Variants in SHROOM4 observed in about 807,000 individuals in gnomAD.
The protein encoded by SHROOM4 is shroom family member 4, also known as protein Shroom4.
SHROOM4 carries 17 observed loss-of-function variants against 80.3 expected under a neutral mutation model. That is an observed-to-expected ratio of 0.21 (90% CI 0.14 to 0.32). The LOEUF is 0.32. SHROOM4 is among the 10% of genes least tolerant of loss of function. The pLI, the probability that SHROOM4 is intolerant of heterozygous loss-of-function variation, is 1.00. For synonymous variants in SHROOM4, 400 were observed against 437.5 expected (o/e 0.91, Z 1.07); for missense variants, 993 against 1,140.3 (o/e 0.87, Z 1.86).
chrX:50,637,864 A>G (rs1490414255), intron 3 of SHROOM4, among the ~76,000 whole-genome samples: 45 of 112,170 alleles, frequency 4.0e-4, no homozygotes, highest in African/African-American at 1.4e-3. Context: ...ACAGGAGAAC[A>G]AAAGGAATTA....
At chrX:50,611,696 GAT>G (rs1557249921) in intron 5 of SHROOM4, among the ~76,000 whole-genome samples, 1 of 110,509 alleles carries the variant, frequency 9.0e-6, no homozygotes, top group African/African-American at 3.3e-5. Flanking sequence ...GAGGCGGGCG[GAT>G]CACTTGAGGC....
chrX:50,660,761 C>T (rs782696137), intron 2 of SHROOM4, among the ~76,000 whole-genome samples: 23 of 107,453 alleles, frequency 2.1e-4, no homozygotes, highest in African/African-American at 4.8e-4. Flanking sequence ...GACTACAGGG[C>T]GTGCACCACC....
intron 1 of SHROOM4, among the ~76,000 whole-genome samples, chrX:50,784,052 C>T (rs1019560875): frequency 1.8e-5 from 2 of 112,148 alleles, no homozygotes; most frequent in South Asian, 3.7e-4. Context: ...ACAACGGCGT[C>T]GCCAAAAATA....
intron 7 of SHROOM4, among the ~76,000 whole-genome samples, chrX:50,600,812 A>T (rs1557247536): frequency 1.8e-5 from 2 of 111,997 alleles, no homozygotes. Flanking sequence ...TCCAAAACCC[A>T]CTGAGAACTG....
chrX:50,745,971 T>C (rs1934765296), intron 1 of SHROOM4, among the ~76,000 whole-genome samples: 1 of 111,789 alleles, frequency 8.9e-6, no homozygotes, highest in African/African-American at 3.3e-5. Context: ...AGAGGGTTTG[T>C]TGAGCTCTTC....
Position 50,590,397 on chromosome X carries a change from C to T in SHROOM4, c.*6298G>A, listed in dbSNP as rs1051646245. On this transcript the variant is annotated 3_prime_UTR_variant, in exon 9 of 9. Transcript: ENST00000376020. ...GACTAGCTGGGACTACAGGCACCTG[C>T]CACCATGCCCTGCTAATTTTTTTGT... 1.8e-5 allele frequency among the ~76,000 whole-genome samples: 2 copies of T among 111,230 alleles called. No individual in the cohort carries two copies. The highest frequency in any genetic ancestry group is 9.5e-5 in the Admixed American group (1 of 10,474).
In SHROOM4 at chrX:50,590,290, A is replaced by G. The variant is rs1557245234; in HGVS notation, c.*6405T>C. 9.0e-6 allele frequency among the ~76,000 whole-genome samples: 1 copy of G among 111,090 alleles called. No individual in the cohort carries two copies. The highest frequency in any genetic ancestry group is 3.3e-5 in the African/African-American group (1 of 30,443). ...GAGACAGAATCTCGCTCAGTCACCCAGGCTGGAGTGCAGTGGCTCAATCTC... is the reference window on the plus strand; with the variant it reads ...GAGACAGAATCTCGCTCAGTCACCCGGGCTGGAGTGCAGTGGCTCAATCTC... On this transcript the variant is annotated 3_prime_UTR_variant, in exon 9 of 9. Coordinates refer to ENST00000376020, the MANE Select transcript of SHROOM4 (RefSeq NM_020717.5).
At chrX:50,623,276 G>A (rs1602377320) in intron 5 of SHROOM4, among the ~76,000 whole-genome samples, 1 of 110,763 alleles carries the variant, frequency 9.0e-6, no homozygotes, top group African/African-American at 3.3e-5. Context: ...CAACATCCGC[G>A]TCCCAGATTC....
intron 1 of SHROOM4, among the ~76,000 whole-genome samples, chrX:50,709,353 A>G (rs191498438): frequency 6.2e-5 from 7 of 112,348 alleles, no homozygotes; most frequent in Non-Finnish European, 1.1e-4. Flanking sequence ...TGAACCCAAA[A>G]GCAGAACATG....
chrX:50,634,687 G>C lies in SHROOM4; in HGVS notation c.1386C>G (p.Pro462=), dbSNP rs1557255276. ...ACTGGTCATGGGTTCCTCCTGTAGGGGGGCATGGACTTTTCTTCCCTTTGT... is the reference window on the plus strand; with the variant it reads ...ACTGGTCATGGGTTCCTCCTGTAGGCGGGCATGGACTTTTCTTCCCTTTGT... ...SSHKGKKSPC[P]PTGGTHDQSS... Residue 462 remains proline, a synonymous_variant, in exon 4 of 9, where the codon CCC becomes CCG. Transcript: ENST00000376020. The C allele has an allele frequency of 8.3e-7, 1 of 1,211,766 alleles. No individual in the cohort carries two copies.
At chrX:50,615,356 C>A (rs1480034969) in intron 5 of SHROOM4, among the ~76,000 whole-genome samples, 1 of 110,933 alleles carries the variant, frequency 9.0e-6, no homozygotes, top group South Asian at 3.9e-4. Context: ...CTCTTTCCGC[C>A]TCTTTATCTG....
chrX:50,608,137 T>C lies in SHROOM4; in HGVS notation c.3005A>G (p.His1002Arg), dbSNP rs782443530. The change falls in exon 6 of 9, where the codon CAT (histidine) becomes CGT (arginine). Residue 1002 changes from histidine to arginine, a missense_variant. Coordinates refer to ENST00000376020, the MANE Select transcript of SHROOM4 (RefSeq NM_020717.5). The part of the protein sequence containing the change: ...KTSFSWATPF[H>R]PCLENPALDL... ...CAGTGCTGGGTTCTCAAGGCAAGGA[T>C]GGAAAGGGGTTGCCCATGAAAAGCT... 1 of 1,211,528 alleles carries C rather than the reference T, an allele frequency of 8.3e-7. No individual in the cohort carries two copies. The highest frequency in any genetic ancestry group is 2.2e-5 in the Admixed American group (1 of 45,997).
intron 1 of SHROOM4, among the ~76,000 whole-genome samples, chrX:50,805,738 G>A (rs1415966092): frequency 1.8e-5 from 2 of 111,839 alleles, no homozygotes; most frequent in African/African-American, 6.5e-5. Context: ...AAACAGGAGG[G>A]TGTGGAGAGC....
chrX:50,804,907 T>C (rs913607917), intron 1 of SHROOM4, among the ~76,000 whole-genome samples: 6 of 110,585 alleles, frequency 5.4e-5, no homozygotes, highest in Admixed American at 2.0e-4. Context: ...TGATCCTTCC[T>C]GATCGCCAAT....
intron 2 of SHROOM4, among the ~76,000 whole-genome samples, chrX:50,653,551 C>A (rs1301732162): frequency 5.4e-5 from 6 of 111,452 alleles, no homozygotes; most frequent in Admixed American, 1.9e-4. Context: ...TTTGAATACC[C>A]TTTATTTCCT....
intron 1 of SHROOM4, among the ~76,000 whole-genome samples, chrX:50,720,291 G>A (rs1373888513): frequency 1.8e-5 from 2 of 111,461 alleles, no homozygotes; most frequent in Non-Finnish European, 3.8e-5. Context: ...CTCCCAACAA[G>A]GCAGGATAAT....
chrX:50,772,008 A>G (rs1285547696), intron 1 of SHROOM4, among the ~76,000 whole-genome samples: 2 of 103,068 alleles, frequency 1.9e-5, no homozygotes, highest in African/African-American at 7.1e-5. Flanking sequence ...CTTGTTTTTT[A>G]TGTGTGTGTG....
intron 2 of SHROOM4, among the ~76,000 whole-genome samples, chrX:50,656,429 T>C (rs1450034354): frequency 8.9e-6 from 1 of 112,188 alleles, no homozygotes; most frequent in Non-Finnish European, 1.9e-5. Flanking sequence ...TTGGTTTTTA[T>C]ATATGATGTA....
At chrX:50,779,516 G>A (rs1264762718) in intron 1 of SHROOM4, among the ~76,000 whole-genome samples, 1 of 111,753 alleles carries the variant, frequency 8.9e-6, no homozygotes, top group Non-Finnish European at 1.9e-5. Flanking sequence ...GCAAGCCAAG[G>A]ATAATCATCT....
Sources: gnomAD v4.1 joint callset for allele counts (sites outside exome capture counted in the v4.1 genomes callset) on GRCh38, gnomAD v4.1.1 for gene constraint, MANE v1.5 for transcripts, NCBI Gene and HGNC (gene_info 2026-07-23, HGNC 2026-07-21) for gene names.